Variants in NTM observed in about 807,000 individuals in gnomAD.
The protein encoded by NTM is IgLON family member 2.
A neutral mutation model predicts 42.1 loss-of-function variants in NTM; 13 were observed. That is an observed-to-expected ratio of 0.31 (90% CI 0.20 to 0.49). The LOEUF (loss-of-function observed/expected upper bound fraction) is 0.49, where lower values mean the gene tolerates loss of function less well. Ranked by LOEUF, NTM falls within the 20% of genes least tolerant of loss-of-function variation. The probability of loss-of-function intolerance (pLI) is 0.99; values close to 1 mark genes in which losing one functional copy is unlikely to be tolerated. For missense variants in NTM, 373 were observed against 452.8 expected (o/e 0.82, Z 1.60); for synonymous variants, 187 against 179.2 (o/e 1.04, Z -0.35).
chr11:131,610,323 C>T (rs1035894447), intron 1 of NTM, among the ~76,000 whole-genome samples: 1 of 152,204 alleles, frequency 6.6e-6, no homozygotes, highest in African/African-American at 2.4e-5. Flanking sequence ...CAGCTCTTTC[C>T]ACCCAAAACA....
intron 7 of NTM, among the ~76,000 whole-genome samples, chr11:132,326,173 TAAAATAA>T (rs559769453): frequency 1.3e-5 from 2 of 151,694 alleles, no homozygotes; most frequent in East Asian, 1.9e-4. Context: ...AAAATAATAA[TAAAATAA>T]AAAATAAAAA....
intron 1 of NTM, among the ~76,000 whole-genome samples, chr11:131,872,125 C>T (rs1414573357): frequency 6.6e-6 from 1 of 152,138 alleles, no homozygotes; most frequent in Non-Finnish European, 1.5e-5. Flanking sequence ...GGTACAATTC[C>T]ACCAAATTCC....
At chr11:131,906,534 A>T (rs2053878958) in intron 1 of NTM, among the ~76,000 whole-genome samples, 1 of 151,990 alleles carries the variant, frequency 6.6e-6, no homozygotes, top group African/African-American at 2.4e-5. Context: ...TCTTATTATG[A>T]CCCAAAACTT....
intron 1 of NTM, among the ~76,000 whole-genome samples, chr11:131,806,022 G>T (rs1392445682): frequency 6.6e-6 from 1 of 152,122 alleles, no homozygotes; most frequent in Non-Finnish European, 1.5e-5. Context: ...GACATCCATT[G>T]TTTCAATTTA....
At chr11:132,089,920 G>GT (rs886504783) in intron 2 of NTM, among the ~76,000 whole-genome samples, 51 of 151,638 alleles carry the variant, frequency 3.4e-4, no homozygotes, top group Non-Finnish European at 2.4e-4. Flanking sequence ...AAAATTCAAG[G>GT]TTTTTTTTAT....
intron 1 of NTM, among the ~76,000 whole-genome samples, chr11:131,589,385 A>C (rs1031413426): frequency 1.3e-5 from 2 of 152,126 alleles, no homozygotes; most frequent in African/African-American, 4.8e-5. Flanking sequence ...CAGCACTAGC[A>C]TTCTGGATTT....
intron 2 of NTM, among the ~76,000 whole-genome samples, chr11:132,040,910 T>C (rs570129918): frequency 4.6e-5 from 7 of 152,318 alleles, no homozygotes; most frequent in African/African-American, 1.7e-4. Context: ...CTCAATGTCC[T>C]TATTGGTTTA....
intron 1 of NTM, among the ~76,000 whole-genome samples, chr11:131,433,001 C>A (rs1025427262): frequency 6.6e-6 from 1 of 151,574 alleles, no homozygotes; most frequent in Non-Finnish European, 1.5e-5. Flanking sequence ...ACTGCAGGCG[C>A]CCGCCACCAC....
rs1565347090 is a variant in NTM at position 131,627,221 on chromosome 11, TTATTTA to T, written c.82+256335_82+256340del. 4.5e-3 allele frequency among the ~76,000 whole-genome samples: 667 copies of T among 148,850 alleles called. 7 individuals carry two copies. The highest frequency in any genetic ancestry group is 0.016 in the African/African-American group (633 of 39,030). On this transcript the variant is annotated intron_variant, in intron 1 of 8. Transcript: ENST00000683400. ...CATGAATAAAGCAGGCGGCTTTTAT[TTATTTA>T]TTTTTTTTGTGGGTTTGGGGGTATG...
chr11:131,938,481 G>A (rs1161533342), intron 2 of NTM, among the ~76,000 whole-genome samples: 1 of 152,274 alleles, frequency 6.6e-6, no homozygotes, highest in South Asian at 2.1e-4. Flanking sequence ...ATGAGGTCAC[G>A]GAGGTGGGCA....
At chr11:131,901,781 C>T (rs894411458) in intron 1 of NTM, among the ~76,000 whole-genome samples, 3 of 152,220 alleles carry the variant, frequency 2.0e-5, no homozygotes, top group Admixed American at 2.0e-4. Flanking sequence ...TTCACATGCA[C>T]GTTGACAACA....
chr11:131,544,417 C>T (rs2053657793), intron 1 of NTM, among the ~76,000 whole-genome samples: 1 of 152,110 alleles, frequency 6.6e-6, no homozygotes, highest in Non-Finnish European at 1.5e-5. Flanking sequence ...ATTTCTATTC[C>T]TGGTACACAA....
intron 1 of NTM, among the ~76,000 whole-genome samples, chr11:131,531,741 G>C (rs935857329): frequency 6.6e-6 from 1 of 152,134 alleles, no homozygotes; most frequent in African/African-American, 2.4e-5. Context: ...CGAGGTAGAG[G>C]GTTTTCATAA....
At chr11:131,621,629 A>G in intron 1 of NTM, among the ~76,000 whole-genome samples, 1 of 86,058 alleles carries the variant, frequency 1.2e-5, no homozygotes, top group East Asian at 2.9e-4. Flanking sequence ...GTAACACCCT[A>G]TCTTTACAAA....
At position 132,003,503 on chromosome 11, in the gene NTM, T is replaced by G. The variant is rs571992800; in HGVS notation, c.167+91855T>G. The stretch of plus-strand genomic sequence containing the variant: ...TCAAGCGATCCTTCTGGCTCAGACC[T>G]CCAATGTGCTGGGATTATAAGCATT... On this transcript the variant is annotated intron_variant, in intron 2 of 8. Coordinates refer to ENST00000683400, the MANE Select transcript of NTM (RefSeq NM_001352005.2). The surrounding 1 kb of genome is among the most constrained non-coding windows in gnomAD (Gnocchi z 6.0). Among the ~76,000 whole-genome samples, 3 of 152,236 alleles carry G rather than the reference T, an allele frequency of 2.0e-5. No homozygotes were observed. The highest frequency in any genetic ancestry group is 3.9e-4 in the East Asian group (2 of 5,162).
intron 2 of NTM, among the ~76,000 whole-genome samples, chr11:132,079,092 G>A (rs980038233): frequency 6.6e-6 from 1 of 152,052 alleles, no homozygotes; most frequent in African/African-American, 2.4e-5. Context: ...TGTGGTTCAG[G>A]GCCTGTGCTT....
intron 1 of NTM, among the ~76,000 whole-genome samples, chr11:131,452,622 C>T (rs540800217): frequency 5.4e-4 from 82 of 152,212 alleles, no homozygotes; most frequent in African/African-American, 1.9e-3. Flanking sequence ...GAGCCACTAT[C>T]GACATAGACG....
At chr11:132,164,084 C>T (rs564351762) in intron 3 of NTM, among the ~76,000 whole-genome samples, 1 of 152,268 alleles carries the variant, frequency 6.6e-6, no homozygotes, top group African/African-American at 2.4e-5. Flanking sequence ...CTTTCTCTTG[C>T]CCCTTGATGA....
intron 1 of NTM, among the ~76,000 whole-genome samples, chr11:131,454,149 T>A (rs1490120096): frequency 6.7e-6 from 1 of 149,264 alleles, no homozygotes. Context: ...TAAGATCTTT[T>A]GAGAGGGAGA....
Sources: allele counts gnomAD v4.1 joint callset (sites outside exome capture counted in the v4.1 genomes callset), GRCh38; gene constraint gnomAD v4.1.1; non-coding constraint Gnocchi (gnomAD v3.1); transcripts MANE v1.5; gene names NCBI Gene and HGNC (gene_info 2026-07-23, HGNC 2026-07-21).